ERGIC3: variants seen among roughly 807,000 people sequenced by gnomAD.
ERGIC3 encodes ERGIC and golgi 3.
A neutral mutation model predicts 54.7 loss-of-function variants in ERGIC3; 33 were observed. The ratio of observed to expected loss-of-function variants is 0.60; its 90% CI spans 0.46 to 0.81. The LOEUF (loss-of-function observed/expected upper bound fraction) is 0.81. Among genes scored for constraint, ERGIC3 ranks in the 30% least tolerant of loss-of-function variants. The pLI is 0.00. For synonymous variants in ERGIC3, 186 were observed against 189.8 expected (o/e 0.98, Z 0.16); for missense variants, 399 against 488.4 (o/e 0.82, Z 1.73).
intron 4 of ERGIC3, chr20:35,544,028 A>G (rs2064632798): frequency 9.4e-6 from 2 of 212,308 alleles, no homozygotes; most frequent in Non-Finnish European, 1.9e-5. Context: ...CTATCTATCT[A>G]TCTATCTATC....
intron 7 of ERGIC3, chr20:35,554,469 G>A: frequency 6.6e-7 from 1 of 1,510,462 alleles, no homozygotes; most frequent in Non-Finnish European, 9.2e-7. Flanking sequence ...GGTTGGATGG[G>A]GCTGTGATTG....
In ERGIC3 at chr20:35,542,330, T is replaced by C; in HGVS notation, c.96T>C (p.Ile32=). The C allele has an allele frequency of 6.2e-7, 1 of 1,613,998 alleles. No individual in the cohort carries two copies. Among genetic ancestry groups the C allele is most frequent in the African/African-American group, 1.3e-5 (1 of 75,014 alleles). The part of the protein sequence containing the change: ...VKTCGGATVT[I]VSGLLMLLLF... Reference sequence around the variant, plus strand: ...TCGCCCCTTGTCCTGCAGTGACCATTGTCAGTGGCCTTCTCATGCTGCTAC... The same window carrying C: ...TCGCCCCTTGTCCTGCAGTGACCATCGTCAGTGGCCTTCTCATGCTGCTAC... Residue 32 remains isoleucine (I), a synonymous_variant, in exon 2 of 13, where the codon ATT becomes ATC. Coordinates refer to ENST00000348547, the MANE Select transcript of ERGIC3 (RefSeq NM_015966.3).
At chr20:35,554,882 G>A (rs2064702668) in intron 7 of ERGIC3, 162 bp from the exon 8 acceptor site, 2 of 839,628 alleles carry the variant, frequency 2.4e-6, no homozygotes, top group Non-Finnish European at 4.1e-6. Flanking sequence ...CCCAAGGCTT[G>A]CCCTTTCTGG....
Position 35,547,443 on chromosome 20 carries a change from C to A in ERGIC3, c.399C>A (p.Asp133Glu). ...ELGKVEVTVF[D>E]PDSLDPDRCE... is the part of the protein sequence containing the mutation. ...GGAAAGTCGAGGTGACGGTGTTTGA[C>A]CCTGACTCCCTGGACCCTGATCGCT... Residue 133 changes from aspartate (D) to glutamate (E), a missense_variant, in exon 5 of 13, where the codon GAC becomes GAA. Coordinates refer to ENST00000348547, the MANE Select transcript of ERGIC3 (RefSeq NM_015966.3). 2.5e-6 allele frequency: 4 copies of A among 1,614,134 alleles called. No homozygotes were observed. The highest frequency in any genetic ancestry group is 3.4e-6 in the Non-Finnish European group (4 of 1,180,024).
intron 12 of ERGIC3, 33 bp from the exon 13 acceptor site, chr20:35,557,392 C>A (rs751539655): frequency 6.2e-7 from 1 of 1,611,526 alleles, no homozygotes; most frequent in Non-Finnish European, 8.5e-7. Flanking sequence ...AAGGCCCCCA[C>A]TGGGCCAGTG....
intron 10 of ERGIC3, 45 bp downstream of exon 10, chr20:35,556,316 G>A: frequency 1.9e-6 from 3 of 1,599,200 alleles, no homozygotes; most frequent in South Asian, 2.2e-5. Context: ...GCGGTGCCAA[G>A]CACTGGAGTT....
intron 4 of ERGIC3, chr20:35,543,546 C>T: frequency 2.1e-6 from 1 of 466,382 alleles, no homozygotes; most frequent in Admixed American, 2.4e-5. Context: ...TGGTGGCTTC[C>T]CAATTCCCTT....
At chr20:35,550,669 C>G (rs1212695172) in intron 7 of ERGIC3, among the ~76,000 whole-genome samples, 1 of 151,986 alleles carries the variant, frequency 6.6e-6, no homozygotes, top group Admixed American at 6.6e-5. Flanking sequence ...GCAGGGCTTG[C>G]AGGGGCATTG....
rs2064719248 is a variant in ERGIC3, at chr20:35,557,258, C to T, written c.1072+9C>T. ...TGGGGGCATGTTCACAGGTAAGAGG[C>T]CCAGGGCGTCTGTGAGCTGTGGGGT... On this transcript the variant is annotated intron_variant, in intron 12 of 12. Coordinates refer to ENST00000348547, the MANE Select transcript of ERGIC3 (RefSeq NM_015966.3). 2.5e-6 allele frequency: 4 copies of T among 1,614,082 alleles called. No homozygotes were observed. Among genetic ancestry groups the T allele is most frequent in the Non-Finnish European group, 3.4e-6 (4 of 1,180,000 alleles).
chr20:35,547,721 T>C (rs1235458421), intron 5 of ERGIC3, among the ~76,000 whole-genome samples: 1 of 152,226 alleles, frequency 6.6e-6, no homozygotes, highest in East Asian at 1.9e-4. Flanking sequence ...TGAAGTGGTC[T>C]CTGCTCTTCC....
At chr20:35,554,756 C>T (rs224418) in intron 7 of ERGIC3, 414,029 of 592,182 alleles carry the variant, frequency 0.7, 148,979 homozygotes, top group East Asian at 0.81. Context: ...GTTTTGTTTC[C>T]GGAGATGCAG....
chr20:35,550,146 ATAT>A (rs926107644), intron 7 of ERGIC3, among the ~76,000 whole-genome samples: 76 of 152,138 alleles, frequency 5.0e-4, no homozygotes, highest in African/African-American at 1.8e-3. Flanking sequence ...TGATGAGGTA[ATAT>A]TTTAGCAAAG....
intron 4 of ERGIC3, among the ~76,000 whole-genome samples, chr20:35,547,005 G>C (rs532399932): frequency 6.6e-6 from 1 of 152,280 alleles, no homozygotes; most frequent in East Asian, 1.9e-4. Flanking sequence ...ATGGCAAGAG[G>C]TTAGTGGCAT....
At chr20:35,555,577 A>G (rs536236278) in intron 8 of ERGIC3, among the ~76,000 whole-genome samples, 1 of 152,256 alleles carries the variant, frequency 6.6e-6, no homozygotes, top group Non-Finnish European at 1.5e-5. Context: ...GGGGGTTCAC[A>G]GCCTCCAGCC....
intron 7 of ERGIC3, chr20:35,549,297 G>A: frequency 2.2e-6 from 1 of 463,940 alleles, no homozygotes; most frequent in South Asian, 1.6e-5. Flanking sequence ...TGGAGCACAG[G>A]TTCTGCCACA....
chr20:35,557,116 A>T lies in ERGIC3; in HGVS notation c.1016+7A>T. The stretch of plus-strand genomic sequence containing the variant: ...AGCTGACGGAGAAGCACAGGTGAGG[A>T]TGGGGGCAAAGCGGCCTCTGGGGGC... On this transcript the variant is annotated splice_region_variant and intron_variant, in intron 11 of 12. Coordinates refer to ENST00000348547, the MANE Select transcript of ERGIC3 (RefSeq NM_015966.3). The T allele has an allele frequency of 6.2e-7, 1 of 1,614,214 alleles. No homozygotes were observed.
At chr20:35,556,422 C>A in intron 10 of ERGIC3, 151 bp downstream of exon 10, 1 of 828,062 alleles carries the variant, frequency 1.2e-6, no homozygotes, top group Non-Finnish European at 2.0e-6. Flanking sequence ...GGGATTTGCC[C>A]TCCCAGGCAG....
intron 4 of ERGIC3, chr20:35,543,557 C>G: frequency 2.1e-6 from 1 of 468,226 alleles, no homozygotes; most frequent in South Asian, 1.6e-5. Flanking sequence ...CAATTCCCTT[C>G]GTTAACTCAG....
intron 7 of ERGIC3, among the ~76,000 whole-genome samples, chr20:35,553,020 A>ATATTTTTTTTTTTTT (rs2064689728): frequency 2.4e-5 from 1 of 41,552 alleles, no homozygotes; most frequent in Non-Finnish European, 4.4e-5. Context: ...AAAGCTGGGG[A>ATATTTTTTTTTTTTT]TTTTTTTTTT....
Sources: gnomAD v4.1 joint callset for allele counts (sites outside exome capture counted in the v4.1 genomes callset) on GRCh38, gnomAD v4.1.1 for gene constraint, MANE v1.5 for transcripts, NCBI Gene and HGNC (gene_info 2026-07-23, HGNC 2026-07-21) for gene names.